The following VASH1 variants were observed in gnomAD, a reference collection of about 807,000 sequenced individuals.
The protein encoded by VASH1 is vasohibin 1.
A neutral mutation model predicts 35.0 loss-of-function variants in VASH1; 16 were observed. The observed-to-expected ratio is 0.46, with a 90% CI of 0.31 to 0.70. The LOEUF is 0.70. Ranked by LOEUF, VASH1 falls within the 30% of genes least tolerant of loss-of-function variation. VASH1 has a pLI of 0.05. For synonymous variants in VASH1, 214 were observed against 200.9 expected (o/e 1.07, Z -0.55); for missense variants, 505 against 510.7 (o/e 0.99, Z 0.11).
intron 1 of VASH1, among the ~76,000 whole-genome samples, chr14:76,768,001 G>A (rs564103154): frequency 1.8e-4 from 27 of 152,322 alleles, no homozygotes; most frequent in African/African-American, 6.0e-4. Flanking sequence ...AGCTTCTTGT[G>A]GGAGGGTGTA....
intron 6 of VASH1, 48 bp from the exon 7 acceptor site, chr14:76,778,898 C>G: frequency 6.3e-7 from 1 of 1,594,520 alleles, no homozygotes; most frequent in Non-Finnish European, 8.6e-7. Context: ...CTCCATCTCC[C>G]TAACAGACCA....
chr14:76,770,011 G>A lies in VASH1; in HGVS notation c.358G>A (p.Glu120Lys), dbSNP rs1257627837. ...GTTCCAGCCGTCTACACCTGTCCCT[G>A]AGCGCCTGGAAGCTGTGCAGCGCTA... ...PTFQPSTPVP[E>K]RLEAVQRYIR... The change falls in exon 2 of 7, where the codon GAG (glutamate) becomes AAG (lysine). Residue 120 changes from glutamate (E) to lysine (K), a missense_variant. Transcript: ENST00000167106. 3.1e-6 allele frequency: 5 copies of A among 1,614,114 alleles called. No individual in the cohort carries two copies. Among genetic ancestry groups the A allele is most frequent in the Non-Finnish European group, 4.2e-6 (5 of 1,179,980 alleles).
In VASH1 at chr14:76,762,831, G is replaced by A. The variant is rs1230605838; in HGVS notation, c.10G>A (p.Gly4Arg). Residue 4 changes from glycine to arginine, a missense_variant, in exon 1 of 7, where the codon GGG becomes AGG. Transcript: ENST00000167106. ...CCTCGAAGATTTAGGGATGCCAGGG[G>A]GGAAGAAGGTGGCTGGGGGTGGCAG... The part of the protein sequence containing the change: MPG[G>R]KKVAGGGSSG... 2 of 1,493,130 alleles carry A rather than the reference G, an allele frequency of 1.3e-6. No individual in the cohort carries two copies. Among genetic ancestry groups the A allele is most frequent in the Non-Finnish European group, 8.9e-7 (1 of 1,121,690 alleles). The allele number at this position is 1,493,130 out of a possible 1,614,324, so 92.5% of individuals were successfully genotyped here. A position where few individuals can be genotyped will look rare whatever the true frequency, so the allele number is the denominator to read the frequency against.
At chr14:76,770,617 A>G (rs8010197) in intron 2 of VASH1, among the ~76,000 whole-genome samples, 15 of 65,262 alleles carry the variant, frequency 2.3e-4, no homozygotes, top group African/African-American at 6.6e-4. Context: ...TCCCTGCTCT[A>G]GCCCCTGCAC....
Position 76,775,913 on chromosome 14 carries a change from C to A in VASH1, c.552C>A (p.Pro184=). The change falls in exon 5 of 7, where the codon CCC becomes CCA. Residue 184 remains proline (P), a synonymous_variant. Transcript: ENST00000167106. ...CCAGTTACCTCACCAACAGCATGCC[C>A]ACCCTGGAGCGCTTCCCCATCAGCT... ...ILGIYLTNSM[P]TLERFPISFK... is the part of the protein sequence containing the mutation. 2 of 1,591,362 alleles carry A rather than the reference C, an allele frequency of 1.3e-6. No homozygotes were observed. Among genetic ancestry groups the A allele is most frequent in the East Asian group, 4.5e-5 (2 of 43,984 alleles).
chr14:76,764,751 TCTTGGCTCA>T (rs1457049624), intron 1 of VASH1, among the ~76,000 whole-genome samples: 2 of 151,040 alleles, frequency 1.3e-5, no homozygotes, highest in Non-Finnish European at 2.9e-5. Context: ...AGTGGCATGA[TCTTGGCTCA>T]CTGCAGCCTC....
At position 76,761,501 on chromosome 14, in the gene VASH1, T is replaced by G. The variant is rs1022660873; in HGVS notation, c.-1321T>G. The G allele has an allele frequency of 6.5e-6, 1 of 152,822 alleles. No homozygotes were observed. Among genetic ancestry groups the G allele is most frequent in the Non-Finnish European group, 1.5e-5 (1 of 68,166 alleles). The allele number at this position is 152,822 out of a possible 1,614,324, so 9.5% of individuals were successfully genotyped here. A position where few individuals can be genotyped will look rare whatever the true frequency, so the allele number is the denominator to read the frequency against. On this transcript the variant is annotated 5_prime_UTR_variant, in exon 1 of 7. Coordinates refer to ENST00000167106, the MANE Select transcript of VASH1 (RefSeq NM_014909.5). Reference sequence around the variant, plus strand: ...TAGTCGAGCCTGGTGGGCGGCTGGCTGGCAGGGGACGTGGTCGGCGGCAGC... The same window carrying G: ...TAGTCGAGCCTGGTGGGCGGCTGGCGGGCAGGGGACGTGGTCGGCGGCAGC...
rs371880248 is a variant in VASH1, at chr14:76,770,285, C to T, written c.398+234C>T. 3.9e-5 allele frequency among the ~76,000 whole-genome samples: 6 copies of T among 152,262 alleles called. No individual in the cohort carries two copies. The East Asian group carries it at 5.8e-4, about 15-fold the overall frequency. ...GCCCACTCTGCACTCTCTGCCACCC[C>T]CTTCCCGCTCCTGCCGTGTGATGGG... On this transcript the variant is annotated intron_variant, in intron 2 of 6. Transcript: ENST00000167106.
At chr14:76,766,264 A>T (rs1323534723) in intron 1 of VASH1, among the ~76,000 whole-genome samples, 3 of 152,162 alleles carry the variant, frequency 2.0e-5, no homozygotes, top group Non-Finnish European at 4.4e-5. Context: ...AGGCTCCTTG[A>T]TAAGAGTCTG....
At position 76,779,765 on chromosome 14, in the gene VASH1, G is replaced by A. The variant is rs1156272722; in HGVS notation, c.*747G>A. The A allele has an allele frequency of 3.6e-6, 2 of 547,998 alleles. No individual in the cohort carries two copies. Among genetic ancestry groups the A allele is most frequent in the Non-Finnish European group, 6.4e-6 (2 of 311,942 alleles). The allele number at this position is 547,998 out of a possible 1,614,324, so 33.9% of individuals were successfully genotyped here. A position where few individuals can be genotyped will look rare whatever the true frequency, so the allele number is the denominator to read the frequency against. ...CGTCTACTTGCTCAGTCCCAGCTCT[G>A]CCTGTTGCTCTAGCCCACAGGCTCC... On this transcript the variant is annotated 3_prime_UTR_variant, in exon 7 of 7. Coordinates refer to ENST00000167106, the MANE Select transcript of VASH1 (RefSeq NM_014909.5).
chr14:76,775,756 G>A lies in VASH1; in HGVS notation c.531-136G>A, dbSNP rs181915301. 3.2e-4 allele frequency: 423 copies of A among 1,311,990 alleles called. 8 individuals carry two copies. The East Asian group carries it at 7.2e-3, about 22-fold the overall frequency. 81.3% of individuals were successfully genotyped at this position (1,311,990 alleles called of 1,614,324 possible). A position where few individuals can be genotyped will look rare whatever the true frequency, so the allele number is the denominator to read the frequency against. On this transcript the variant is annotated intron_variant, in intron 4 of 6. Coordinates refer to ENST00000167106, the MANE Select transcript of VASH1 (RefSeq NM_014909.5). ...GGAATACCAGGAGGAGACGCCAGGC[G>A]TATGGAGATGAGCAGGACTGGTGTC...
At chr14:76,764,187 G>A (rs1893581156) in intron 1 of VASH1, among the ~76,000 whole-genome samples, 1 of 152,238 alleles carries the variant, frequency 6.6e-6, no homozygotes, top group African/African-American at 2.4e-5. Context: ...ATGAGGACAA[G>A]TGGCCCGTTT....
At chr14:76,770,402 G>A (rs1160102346) in intron 2 of VASH1, among the ~76,000 whole-genome samples, 1 of 152,184 alleles carries the variant, frequency 6.6e-6, no homozygotes, top group Non-Finnish European at 1.5e-5. Context: ...CCCTAGCAGA[G>A]GGGGAGAGAG....
At chr14:76,767,342 A>G (rs1466747009) in intron 1 of VASH1, among the ~76,000 whole-genome samples, 1 of 152,134 alleles carries the variant, frequency 6.6e-6, no homozygotes, top group East Asian at 1.9e-4. Context: ...CTAGTTGGAG[A>G]CTCAGCCCTA....
chr14:76,768,566 C>CA (rs1007347428), intron 1 of VASH1, among the ~76,000 whole-genome samples: 4 of 152,198 alleles, frequency 2.6e-5, no homozygotes, highest in African/African-American at 9.7e-5. Context: ...CCTGTGCCAT[C>CA]AGCAACACCC....
At chr14:76,778,838 T>C (rs760177463) in intron 6 of VASH1, 108 bp from the exon 7 acceptor site, 44 of 1,098,546 alleles carry the variant, frequency 4.0e-5, no homozygotes, top group Non-Finnish European at 4.2e-5. Flanking sequence ...GGAGGGCCAC[T>C]TGGAGAATGT....
At position 76,761,705 on chromosome 14, in the gene VASH1, C is replaced by A. The variant is rs911759733; in HGVS notation, c.-1117C>A. Among the ~76,000 whole-genome samples the A allele has an allele frequency of 6.6e-6, 1 of 151,882 alleles. No individual in the cohort carries two copies. The highest frequency in any genetic ancestry group is 1.5e-5 in the Non-Finnish European group (1 of 67,922). ...CAGCTACATCCGCCGGCCGAGGCTG[C>A]GCGAGCCTCCGGGCTTGCGGTCCCC... On this transcript the variant is annotated 5_prime_UTR_variant, in exon 1 of 7. Transcript: ENST00000167106.
chr14:76,777,880 G>C, intron 5 of VASH1, 79 bp from the exon 6 acceptor site: 1 of 1,121,064 alleles, frequency 8.9e-7, no homozygotes, highest in Non-Finnish European at 1.2e-6. Flanking sequence ...AGCCTCCAGG[G>C]ACCTGTGGCT....
chr14:76,762,868 C>A lies in VASH1; in HGVS notation c.47C>A (p.Thr16Asn). The A allele has an allele frequency of 6.5e-7, 1 of 1,540,708 alleles. No individual in the cohort carries two copies. Among genetic ancestry groups the A allele is most frequent in the South Asian group, 1.3e-5 (1 of 79,042 alleles). ...KVAGGGSSGA[T>N]PTSAAATAPS... Reference sequence around the variant, plus strand: ...GCTGGGGGTGGCAGCAGCGGTGCCACTCCAACGTCCGCTGCGGCCACCGCC... The same window carrying A: ...GCTGGGGGTGGCAGCAGCGGTGCCAATCCAACGTCCGCTGCGGCCACCGCC... The change falls in exon 1 of 7, where the codon ACT becomes AAT. Residue 16 changes from threonine (T) to asparagine (N), a missense_variant. Thr to Asn is a moderately conservative substitution (Grantham distance 65). Transcript: ENST00000167106.
Sources: gnomAD v4.1 joint callset for allele counts (sites outside exome capture counted in the v4.1 genomes callset) on GRCh38, gnomAD v4.1.1 for gene constraint, MANE v1.5 for transcripts, NCBI Gene and HGNC (gene_info 2026-07-23, HGNC 2026-07-21) for gene names.